The following RBFOX1 variants were observed in gnomAD, a reference collection of about 807,000 sequenced individuals.
RBFOX1 encodes RNA binding protein fox-1 homolog 1.
A neutral mutation model predicts 57.7 loss-of-function variants in RBFOX1; 8 were observed. That is an observed-to-expected ratio of 0.14 (90% CI 0.08 to 0.25). The LOEUF is 0.25. Ranked by LOEUF, RBFOX1 falls within the 10% of genes least tolerant of loss-of-function variation. The pLI is 1.00. For synonymous variants in RBFOX1, 326 were observed against 222.4 expected, an observed-to-expected ratio of 1.47 and a Z score of -4.15; for missense variants, 611 against 548.5, an observed-to-expected ratio of 1.11 and a Z score of -1.14.
chr16:6,437,658 C>T (rs1437142697), intron 2 of RBFOX1, among the ~76,000 whole-genome samples: 1 of 152,136 alleles, frequency 6.6e-6, no homozygotes, highest in South Asian at 2.1e-4. Flanking sequence ...GTTTCACAGG[C>T]TGTATAGGAG....
At chr16:6,839,147 G>C (rs187542205) in intron 3 of RBFOX1, among the ~76,000 whole-genome samples, 1 of 143,148 alleles carries the variant, frequency 7.0e-6, no homozygotes, top group Non-Finnish European at 1.6e-5. Flanking sequence ...ACCACACCCA[G>C]CTAATTTTTG....
intron 4 of RBFOX1, among the ~76,000 whole-genome samples, chr16:7,206,542 T>A (rs997650582): frequency 9.9e-5 from 15 of 151,976 alleles, no homozygotes; most frequent in African/African-American, 3.6e-4. Context: ...AAAAATGAGT[T>A]GCTGCAATAC....
intron 1 of RBFOX1, among the ~76,000 whole-genome samples, chr16:5,299,164 T>G (rs1426589862): frequency 1.3e-5 from 2 of 152,150 alleles, no homozygotes; most frequent in South Asian, 4.1e-4. Context: ...TTGGGCTTTA[T>G]TTAAATGGAA....
At chr16:6,570,128 T>C (rs746423574) in intron 2 of RBFOX1, among the ~76,000 whole-genome samples, 29 of 152,230 alleles carry the variant, frequency 1.9e-4, no homozygotes, top group Non-Finnish European at 3.5e-4. Context: ...TGTGCTTAAA[T>C]GAAATCTGAC....
At chr16:7,081,432 G>A (rs1296021563) in intron 4 of RBFOX1, among the ~76,000 whole-genome samples, 1 of 152,132 alleles carries the variant, frequency 6.6e-6, no homozygotes, top group Admixed American at 6.5e-5. Context: ...TTATAACTTG[G>A]CCACTCCTCA....
chr16:5,528,447 G>T (rs1455305596), intron 2 of RBFOX1, among the ~76,000 whole-genome samples: 1 of 152,076 alleles, frequency 6.6e-6, no homozygotes, highest in African/African-American at 2.4e-5. Flanking sequence ...GCACAGAGCA[G>T]ACCACGTTGT....
intron 3 of RBFOX1, among the ~76,000 whole-genome samples, chr16:6,930,603 T>A (rs1174072851): frequency 3.3e-5 from 5 of 152,042 alleles, no homozygotes; most frequent in East Asian, 3.9e-4. Flanking sequence ...AGAGATGGAG[T>A]TTTACCATGT....
intron 3 of RBFOX1, among the ~76,000 whole-genome samples, chr16:6,889,285 G>A (rs527865716): frequency 6.6e-6 from 1 of 152,282 alleles, no homozygotes; most frequent in East Asian, 1.9e-4. Context: ...GCTTTGACCA[G>A]TGAACTGTGA....
intron 3 of RBFOX1, among the ~76,000 whole-genome samples, chr16:7,000,586 C>CTTTTTTTTTTTTTTT (rs149516490): frequency 3.1e-5 from 3 of 95,842 alleles, no homozygotes; most frequent in African/African-American, 1.0e-4. Context: ...TTTTTTCTTT[C>CTTTTTTTTTTTTTTT]TTTTTCTTTC....
At chr16:7,125,260 C>G (rs1020231784) in intron 4 of RBFOX1, among the ~76,000 whole-genome samples, 1 of 152,120 alleles carries the variant, frequency 6.6e-6, no homozygotes, top group Non-Finnish European at 1.5e-5. Flanking sequence ...GGTTGTCGTT[C>G]AGCCTTTCTA....
chr16:6,455,639 G>C (rs1376358444), intron 2 of RBFOX1, among the ~76,000 whole-genome samples: 1 of 152,142 alleles, frequency 6.6e-6, no homozygotes, highest in Non-Finnish European at 1.5e-5. Flanking sequence ...TTACCATATA[G>C]ACAGGTACCT....
intron 3 of RBFOX1, among the ~76,000 whole-genome samples, chr16:6,716,854 G>A (rs554766054): frequency 1.3e-5 from 2 of 152,122 alleles, no homozygotes; most frequent in Non-Finnish European, 2.9e-5. Context: ...GTAATAAACT[G>A]AATGTTTGTA....
chr16:7,054,232 G>GGTTT (rs2051202151), intron 4 of RBFOX1, among the ~76,000 whole-genome samples: 1 of 32,700 alleles, frequency 3.1e-5, no homozygotes. Context: ...GGGGCGGGGA[G>GGTTT]CTTTTTTTTT....
intron 3 of RBFOX1, among the ~76,000 whole-genome samples, chr16:6,789,932 T>C (rs1341524123): frequency 6.6e-6 from 1 of 151,782 alleles, no homozygotes; most frequent in African/African-American, 2.4e-5. Context: ...TCTATAATTA[T>C]TCTCTTCCCT....
At chr16:5,907,154 C>G (rs1409325050) in intron 4 of RBFOX1, among the ~76,000 whole-genome samples, 1 of 152,122 alleles carries the variant, frequency 6.6e-6, no homozygotes, top group East Asian at 1.9e-4. Context: ...AATTTGGAAA[C>G]TTTGCAGATT....
chr16:6,637,560 A>ATTAGTCT (rs1567988167), intron 2 of RBFOX1, among the ~76,000 whole-genome samples: 1 of 4,750 alleles, frequency 2.1e-4, no homozygotes, highest in African/African-American at 2.4e-4. Context: ...TAGTATATAT[A>ATTAGTCT]ATATTCTATA....
intron 4 of RBFOX1, among the ~76,000 whole-genome samples, chr16:7,192,609 C>G (rs1316830267): frequency 1.3e-5 from 2 of 152,020 alleles, no homozygotes; most frequent in Admixed American, 1.3e-4. Flanking sequence ...AAAAGGGGGC[C>G]AAATGGAAAA....
chr16:7,185,481 C>G (rs904896470), intron 4 of RBFOX1, among the ~76,000 whole-genome samples: 1 of 152,134 alleles, frequency 6.6e-6, no homozygotes, highest in Non-Finnish European at 1.5e-5. Context: ...GGTCTAGTGC[C>G]TCCAGTGATA....
chr16:6,739,239 G>GAA (rs113887177), intron 3 of RBFOX1, among the ~76,000 whole-genome samples: 27 of 141,468 alleles, frequency 1.9e-4, no homozygotes, highest in South Asian at 6.7e-4. Context: ...AGGGATGATA[G>GAA]AAAAAAAAAA....
Sources: allele counts gnomAD v4.1 joint callset (sites outside exome capture counted in the v4.1 genomes callset), GRCh38; gene constraint gnomAD v4.1.1; transcripts MANE v1.5; gene names NCBI Gene and HGNC (gene_info 2026-07-23, HGNC 2026-07-21).